GOLPH3: variants seen among roughly 807,000 people sequenced by gnomAD.
GOLPH3 encodes the protein golgi phosphoprotein 3, also known as coat protein GPP34.
GOLPH3 carries 14 observed loss-of-function variants against 28.5 expected under a neutral mutation model. The observed-to-expected ratio is 0.49, with a 90% confidence interval of 0.32 to 0.77. GOLPH3 has a LOEUF of 0.77. Among genes scored for constraint, GOLPH3 ranks in the 30% least tolerant of loss-of-function variants. The pLI is 0.03. For synonymous variants in GOLPH3, 158 were observed against 159.2 expected (o/e 0.99, Z 0.06); for missense variants, 350 against 393.7 (o/e 0.89, Z 0.94).
chr5:32,154,792 G>A (rs576383530), intron 1 of GOLPH3, among the ~76,000 whole-genome samples: 9 of 152,182 alleles, frequency 5.9e-5, no homozygotes, highest in Non-Finnish European at 1.2e-4. Context: ...GATTATCTAA[G>A]AAGTCATCTT....
chr5:32,156,903 A>G (rs1581552219), intron 1 of GOLPH3, among the ~76,000 whole-genome samples: 1 of 152,206 alleles, frequency 6.6e-6, no homozygotes, highest in Non-Finnish European at 1.5e-5. Context: ...TCCTTGGTCT[A>G]TGGTATTTTA....
At chr5:32,173,112 T>C (rs1298980739) in intron 1 of GOLPH3, among the ~76,000 whole-genome samples, 1 of 152,118 alleles carries the variant, frequency 6.6e-6, no homozygotes, top group East Asian at 1.9e-4. Context: ...AAGCACTCGA[T>C]GAAAAAGCCC....
intron 1 of GOLPH3, among the ~76,000 whole-genome samples, chr5:32,154,081 C>T (rs1333057772): frequency 6.6e-6 from 1 of 152,046 alleles, no homozygotes; most frequent in Admixed American, 6.6e-5. Flanking sequence ...AAAAGTGAGA[C>T]AATTTAAACA....
chr5:32,141,884 G>C (rs888512280), intron 2 of GOLPH3, among the ~76,000 whole-genome samples: 2 of 117,472 alleles, frequency 1.7e-5, no homozygotes, highest in Non-Finnish European at 3.5e-5. Context: ...GATTGCAGAC[G>C]GAGTCTCGTT....
intron 2 of GOLPH3, 38 bp from the exon 3 acceptor site, chr5:32,135,724 T>C (rs1334953976): frequency 8.2e-7 from 1 of 1,214,126 alleles, no homozygotes; most frequent in Non-Finnish European, 1.2e-6. Flanking sequence ...GATCCACGAA[T>C]GCCTTTTCTG....
chr5:32,147,044 A>C (rs1478125716), intron 1 of GOLPH3, among the ~76,000 whole-genome samples: 3 of 152,244 alleles, frequency 2.0e-5, no homozygotes, highest in Non-Finnish European at 4.4e-5. Flanking sequence ...TCTTATTTTG[A>C]AGTTACATAA....
intron 1 of GOLPH3, among the ~76,000 whole-genome samples, chr5:32,155,118 C>T (rs1327665423): frequency 2.4e-5 from 2 of 82,794 alleles, no homozygotes; most frequent in Non-Finnish European, 4.9e-5. Context: ...AAAAAATTAA[C>T]GTTCTAAAAT....
chr5:32,142,048 T>G (rs1384026211), intron 2 of GOLPH3, among the ~76,000 whole-genome samples: 1 of 150,476 alleles, frequency 6.6e-6, no homozygotes, highest in African/African-American at 2.5e-5. Context: ...GTGAGGAGCG[T>G]CTCCGCCTGG....
At chr5:32,158,701 C>A (rs1398931692) in intron 1 of GOLPH3, among the ~76,000 whole-genome samples, 2 of 152,146 alleles carry the variant, frequency 1.3e-5, no homozygotes, top group African/African-American at 4.8e-5. Flanking sequence ...TGGCCACTTA[C>A]ACAGACTTCT....
At chr5:32,161,975 C>T (rs949586489) in intron 1 of GOLPH3, among the ~76,000 whole-genome samples, 3 of 148,872 alleles carry the variant, frequency 2.0e-5, no homozygotes, top group Non-Finnish European at 3.0e-5. Flanking sequence ...TGCAGTGAGC[C>T]GAGATCGCAC....
intron 1 of GOLPH3, among the ~76,000 whole-genome samples, chr5:32,157,319 C>CA (rs1746452406): frequency 6.6e-6 from 1 of 152,212 alleles, no homozygotes; most frequent in African/African-American, 2.4e-5. Flanking sequence ...TTCTTTCCCT[C>CA]ATCCCCACCC....
At chr5:32,167,886 C>T (rs1173120552) in intron 1 of GOLPH3, among the ~76,000 whole-genome samples, 1 of 151,686 alleles carries the variant, frequency 6.6e-6, no homozygotes, top group South Asian at 2.1e-4. Context: ...TTCAGGAGGT[C>T]GAGGTTGCAA....
intron 1 of GOLPH3, among the ~76,000 whole-genome samples, chr5:32,155,665 G>A (rs918480192): frequency 2.0e-5 from 3 of 152,038 alleles, no homozygotes; most frequent in Non-Finnish European, 2.9e-5. Flanking sequence ...AAACTCTCAT[G>A]TTAAGATTCT....
chr5:32,173,661 C>A, intron 1 of GOLPH3, 149 bp downstream of exon 1: 1 of 461,110 alleles, frequency 2.2e-6, no homozygotes, highest in Non-Finnish European at 3.5e-6. Flanking sequence ...CACCGCTCGG[C>A]GTCAGCTGGG....
At chr5:32,126,796 T>C (rs924988012) in intron 3 of GOLPH3, among the ~76,000 whole-genome samples, 160 bp from the exon 4 acceptor site, 1 of 152,164 alleles carries the variant, frequency 6.6e-6, no homozygotes, top group Non-Finnish European at 1.5e-5. Context: ...CCCTTAAGCC[T>C]AGCCAGACCT....
intron 1 of GOLPH3, among the ~76,000 whole-genome samples, chr5:32,162,946 C>T (rs1278912605): frequency 1.3e-5 from 2 of 152,140 alleles, no homozygotes; most frequent in Admixed American, 6.5e-5. Context: ...GGTGTGGTGG[C>T]AGGCGCCTGT....
intron 1 of GOLPH3, among the ~76,000 whole-genome samples, chr5:32,156,566 G>A (rs935761472): frequency 6.6e-6 from 1 of 152,006 alleles, no homozygotes; most frequent in Admixed American, 6.5e-5. Flanking sequence ...CAACCTTTTT[G>A]GTGCCAGGGA....
chr5:32,173,708 C>A (rs1396533269), intron 1 of GOLPH3, 102 bp downstream of exon 1: 1 of 799,604 alleles, frequency 1.3e-6, no homozygotes, highest in African/African-American at 1.8e-5. Flanking sequence ...AGGGCAGGTG[C>A]GCGGGCCGGA....
chr5:32,173,788 G>A (rs760848221), intron 1 of GOLPH3, 22 bp downstream of exon 1: 1 of 1,333,834 alleles, frequency 7.5e-7, no homozygotes, highest in Non-Finnish European at 9.6e-7. Context: ...GCCGCCCCCC[G>A]CCCAGCCCGC....
Sources: gnomAD v4.1 joint callset for allele counts (sites outside exome capture counted in the v4.1 genomes callset) on GRCh38, gnomAD v4.1.1 for gene constraint, MANE v1.5 for transcripts, NCBI Gene and HGNC (gene_info 2026-07-23, HGNC 2026-07-21) for gene names.